Variants in ARHGAP10 observed in about 807,000 individuals in gnomAD.
ARHGAP10 encodes the protein Rho GTPase activating protein 10.
Under a neutral mutation model 108.6 loss-of-function variants are expected in ARHGAP10, and 87 were observed. That is an observed-to-expected ratio of 0.80 (90% confidence interval 0.67 to 0.96). The LOEUF is 0.96. Ranked by LOEUF, ARHGAP10 falls within the 40% of genes least tolerant of loss-of-function variation. The probability of loss-of-function intolerance (pLI) is 0.00; values close to 1 mark genes in which losing one functional copy is unlikely to be tolerated. For synonymous variants in ARHGAP10, 347 were observed against 341.1 expected (o/e 1.02, Z -0.19); for missense variants, 939 against 954.5 (o/e 0.98, Z 0.21).
chr4:147,887,039 G>A (rs368582975), intron 10 of ARHGAP10, among the ~76,000 whole-genome samples: 1 of 152,162 alleles, frequency 6.6e-6, no homozygotes, highest in Non-Finnish European at 1.5e-5. Context: ...TTACAGGCGC[G>A]AGTCACCCTG....
At chr4:147,852,143 CA>C (rs1733898027) in intron 4 of ARHGAP10, among the ~76,000 whole-genome samples, 1 of 152,168 alleles carries the variant, frequency 6.6e-6, no homozygotes, top group African/African-American at 2.4e-5. Context: ...ATCACCTTGC[CA>C]AACAGGAGTT....
rs1739222489 is a variant in ARHGAP10, at chr4:147,966,844, A to C, written c.1716+5A>C. 6.4e-7 allele frequency: 1 copy of C among 1,563,806 alleles called. No homozygotes were observed. Among genetic ancestry groups the C allele is most frequent in the East Asian group, 2.3e-5 (1 of 44,068 alleles). On this transcript the variant is annotated splice_donor_5th_base_variant and intron_variant, in intron 18 of 22. Transcript: ENST00000336498. The stretch of plus-strand genomic sequence containing the variant: ...TTAATTGAAAACCATGAAAAGGTAA[A>C]ATTTTTTTTTTCTTTAAGAGACTTT...
chr4:147,859,423 C>G (rs1160060387), intron 5 of ARHGAP10, among the ~76,000 whole-genome samples: 1 of 152,078 alleles, frequency 6.6e-6, no homozygotes, highest in Non-Finnish European at 1.5e-5. Context: ...CAGGCGCCCA[C>G]TACCACGCCC....
chr4:147,801,710 A>G (rs1054270620), intron 1 of ARHGAP10, among the ~76,000 whole-genome samples: 1 of 152,238 alleles, frequency 6.6e-6, no homozygotes, highest in Non-Finnish European at 1.5e-5. Flanking sequence ...GCACCACCCA[A>G]GCGAATTAAT....
At chr4:147,831,052 A>T (rs556735268) in intron 3 of ARHGAP10, among the ~76,000 whole-genome samples, 5 of 152,054 alleles carry the variant, frequency 3.3e-5, no homozygotes, top group Non-Finnish European at 7.4e-5. Flanking sequence ...CCACCCCAGA[A>T]CTCTACTGAG....
At chr4:148,005,014 G>A (rs1327233849) in intron 18 of ARHGAP10, among the ~76,000 whole-genome samples, 1 of 152,166 alleles carries the variant, frequency 6.6e-6, no homozygotes, top group African/African-American at 2.4e-5. Flanking sequence ...CTGGTATCCT[G>A]TCTCACTCTG....
chr4:147,964,887 C>T (rs1739146750), intron 16 of ARHGAP10, 137 bp from the exon 17 acceptor site: 3 of 563,420 alleles, frequency 5.3e-6, no homozygotes, highest in Non-Finnish European at 8.5e-6. Flanking sequence ...AATATGTTTA[C>T]ATTCTCCATG....
intron 4 of ARHGAP10, among the ~76,000 whole-genome samples, chr4:147,853,541 G>T (rs1177212568): frequency 6.6e-6 from 1 of 152,098 alleles, no homozygotes; most frequent in African/African-American, 2.4e-5. Flanking sequence ...TAGAAAAATG[G>T]GCAATTCACA....
chr4:147,811,582 GC>G (rs1484956577), intron 1 of ARHGAP10, among the ~76,000 whole-genome samples: 9 of 69,068 alleles, frequency 1.3e-4, no homozygotes, highest in African/African-American at 2.5e-4. Flanking sequence ...ATATGCAATG[GC>G]TTTTTTTAAA....
chr4:148,060,344 A>ACTTTTT lies in ARHGAP10; in HGVS notation c.2028-2804_2028-2803insCTTTTT, dbSNP rs1411745355. Among the ~76,000 whole-genome samples, 25 of 120,840 alleles carry ACTTTTT rather than the reference A, an allele frequency of 2.1e-4. 6 individuals carry two copies. The highest frequency in any genetic ancestry group is 1.4e-4 in the Non-Finnish European group (8 of 56,894). The allele number at this position is 120,840 out of a possible 152,430, so 79.3% of individuals were successfully genotyped here. A position where few individuals can be genotyped will look rare whatever the true frequency, so the allele number is the denominator to read the frequency against. On this transcript the variant is annotated intron_variant, in intron 20 of 22. Coordinates refer to ENST00000336498, the MANE Select transcript of ARHGAP10 (RefSeq NM_024605.4). ...TGGTTACATAACGAAGCTCATGTTT[A>ACTTTTT]GTTTTTTTTTTTTTTTTTTTTTGGC...
intron 1 of ARHGAP10, among the ~76,000 whole-genome samples, chr4:147,789,147 A>G (rs945918847): frequency 6.6e-6 from 1 of 152,216 alleles, no homozygotes; most frequent in Non-Finnish European, 1.5e-5. Context: ...TGTGAACACT[A>G]TCTGCTGCTT....
intron 20 of ARHGAP10, among the ~76,000 whole-genome samples, chr4:148,060,769 A>C (rs1365259276): frequency 6.6e-6 from 1 of 152,230 alleles, no homozygotes; most frequent in Non-Finnish European, 1.5e-5. Context: ...AGGAAATCAC[A>C]TGCAGAAACT....
intron 10 of ARHGAP10, among the ~76,000 whole-genome samples, chr4:147,905,291 A>T (rs1408826971): frequency 6.7e-6 from 1 of 149,066 alleles, no homozygotes; most frequent in Non-Finnish European, 1.5e-5. Flanking sequence ...GGTGTTTTAG[A>T]CATGAAGTCC....
intron 1 of ARHGAP10, among the ~76,000 whole-genome samples, chr4:147,761,039 CAG>C (rs1394744321): frequency 4.8e-5 from 7 of 145,790 alleles, no homozygotes; most frequent in African/African-American, 1.8e-4. Flanking sequence ...TTTTTTGACA[CAG>C]AGTCTTGCTC....
intron 1 of ARHGAP10, among the ~76,000 whole-genome samples, chr4:147,784,689 T>TATATATTATGAATATA (rs1730756625): frequency 3.9e-5 from 3 of 76,052 alleles, no homozygotes; most frequent in African/African-American, 1.5e-4. Context: ...AAATATAAAA[T>TATATATTATGAATATA]ATATATTATA....
intron 3 of ARHGAP10, among the ~76,000 whole-genome samples, chr4:147,826,699 T>C (rs1732722825): frequency 6.6e-6 from 1 of 152,182 alleles, no homozygotes; most frequent in Non-Finnish European, 1.5e-5. Flanking sequence ...CTTGACCCCC[T>C]GCTCTCCTCA....
intron 13 of ARHGAP10, among the ~76,000 whole-genome samples, chr4:147,928,927 T>C (rs1737567003): frequency 6.6e-6 from 1 of 152,196 alleles, no homozygotes; most frequent in Non-Finnish European, 1.5e-5. Context: ...TTCCCATCAT[T>C]AACCCCATTT....
chr4:147,874,710 A>G (rs1734989953), intron 7 of ARHGAP10, among the ~76,000 whole-genome samples: 1 of 152,202 alleles, frequency 6.6e-6, no homozygotes. Flanking sequence ...AAATTTAGTA[A>G]TAGTGTGAGA....
chr4:147,901,697 TCCCTTACTTCAGTATTTGTA>T (rs763358800), intron 10 of ARHGAP10, among the ~76,000 whole-genome samples: 11 of 152,246 alleles, frequency 7.2e-5, no homozygotes, highest in Non-Finnish European at 1.3e-4. Context: ...AATTGCTTTT[TCCCTTACTTCAGTATTTGTA>T]CTTCTAGTCA....
Sources: allele counts gnomAD v4.1 joint callset (sites outside exome capture counted in the v4.1 genomes callset), GRCh38; gene constraint gnomAD v4.1.1; transcripts MANE v1.5; gene names NCBI Gene and HGNC (gene_info 2026-07-23, HGNC 2026-07-21).